NALCN: variants seen among roughly 807,000 people sequenced by gnomAD.
NALCN encodes the protein sodium leak channel, non-selective, also known as sodium leak channel NALCN.
A neutral mutation model predicts 225.3 loss-of-function variants in NALCN; 111 were observed. That is an observed-to-expected ratio of 0.49 (90% CI 0.42 to 0.58). NALCN has a LOEUF of 0.58. NALCN is among the 20% of genes least tolerant of loss of function. The pLI, the probability that NALCN is intolerant of heterozygous loss-of-function variation, is 0.00. For missense variants in NALCN, 1,378 were observed against 2,202.4 expected, an observed-to-expected ratio of 0.63 and a Z score of 7.49; for synonymous variants, 764 against 769.0, an observed-to-expected ratio of 0.99 and a Z score of 0.11.
intron 20 of NALCN, among the ~76,000 whole-genome samples, chr13:101,108,092 T>G (rs913134534): frequency 1.3e-5 from 2 of 148,564 alleles, no homozygotes; most frequent in Admixed American, 1.4e-4. Flanking sequence ...CTATATGAAA[T>G]GTATATATTT....
intron 12 of NALCN, among the ~76,000 whole-genome samples, chr13:101,233,379 G>C (rs1205285963): frequency 6.9e-6 from 1 of 145,390 alleles, no homozygotes; most frequent in Non-Finnish European, 1.5e-5. Flanking sequence ...CTCCCTCTGT[G>C]GCCCAGGCTG....
chr13:101,242,427 T>C lies in NALCN; in HGVS notation c.1267-4505A>G, dbSNP rs2041784887. Among the ~76,000 whole-genome samples, 2 of 105,712 alleles carry C rather than the reference T, an allele frequency of 1.9e-5. 1 individual carries two copies. The highest frequency in any genetic ancestry group is 6.8e-5 in the African/African-American group (2 of 29,392). The allele number at this position is 105,712 out of a possible 152,430, so 69.4% of individuals were successfully genotyped here. ...ACATCAAACCAATGCTTTTTTCTTA[T>C]TGCTTCACAACTAAATTGCTGGCTC... On this transcript the variant is annotated intron_variant, in intron 11 of 43. Coordinates refer to ENST00000251127, the MANE Select transcript of NALCN (RefSeq NM_052867.4).
chr13:101,058,353 G>T (rs544609681), intron 42 of NALCN: 3 of 244,762 alleles, frequency 1.2e-5, no homozygotes, highest in Non-Finnish European at 2.4e-5. Flanking sequence ...TCATATCTTC[G>T]CTGGCAAACC....
intron 11 of NALCN, among the ~76,000 whole-genome samples, chr13:101,244,510 T>A (rs1246043829): frequency 2.0e-5 from 3 of 152,228 alleles, no homozygotes; most frequent in African/African-American, 4.8e-5. Flanking sequence ...CTAGAATTCC[T>A]GATTCCAGAT....
chr13:101,218,691 T>A (rs1474185191), intron 13 of NALCN, among the ~76,000 whole-genome samples: 1 of 152,128 alleles, frequency 6.6e-6, no homozygotes, highest in Non-Finnish European at 1.5e-5. Flanking sequence ...ATCAGGTTGC[T>A]TAAAAGTGTG....
intron 13 of NALCN, among the ~76,000 whole-genome samples, chr13:101,198,976 T>G (rs1462194345): frequency 2.6e-5 from 4 of 152,044 alleles, no homozygotes; most frequent in Admixed American, 1.3e-4. Context: ...ATTGATGAGT[T>G]CATGTCCCTT....
intron 2 of NALCN, among the ~76,000 whole-genome samples, chr13:101,397,906 C>T (rs1032685892): frequency 2.6e-5 from 4 of 151,948 alleles, no homozygotes; most frequent in Non-Finnish European, 5.9e-5. Flanking sequence ...TCATCCAGTC[C>T]TAATGGATGA....
At chr13:101,194,766 G>A (rs1220890401) in intron 13 of NALCN, among the ~76,000 whole-genome samples, 1 of 152,206 alleles carries the variant, frequency 6.6e-6, no homozygotes, top group Non-Finnish European at 1.5e-5. Flanking sequence ...CACTTTGGGA[G>A]GCCAAGGCGG....
intron 25 of NALCN, among the ~76,000 whole-genome samples, chr13:101,103,961 A>G (rs1421665669): frequency 6.6e-6 from 1 of 152,096 alleles, no homozygotes; most frequent in African/African-American, 2.4e-5. Flanking sequence ...TATGAGGCAA[A>G]CTTTTTTTTT....
chr13:101,306,821 C>T (rs1429065426), intron 7 of NALCN, among the ~76,000 whole-genome samples: 1 of 152,164 alleles, frequency 6.6e-6, no homozygotes, highest in Admixed American at 6.5e-5. Context: ...TGGGTTGGAT[C>T]CTGCCCTCCA....
chr13:101,160,347 C>A (rs763377871), intron 15 of NALCN, among the ~76,000 whole-genome samples: 1 of 152,044 alleles, frequency 6.6e-6, no homozygotes, highest in South Asian at 2.1e-4. Context: ...CTTTTATCTG[C>A]GCTTATCATA....
intron 15 of NALCN, among the ~76,000 whole-genome samples, chr13:101,155,933 A>G (rs2037878929): frequency 6.6e-6 from 1 of 152,056 alleles, no homozygotes; most frequent in African/African-American, 2.4e-5. Context: ...TTATTCTATT[A>G]TTTCTATTTC....
At chr13:101,077,302 G>A (rs1412070635) in intron 34 of NALCN, among the ~76,000 whole-genome samples, 1 of 152,200 alleles carries the variant, frequency 6.6e-6, no homozygotes, top group Non-Finnish European at 1.5e-5. Flanking sequence ...GCTACTATAA[G>A]GATACCTGAA....
intron 34 of NALCN, among the ~76,000 whole-genome samples, chr13:101,080,347 T>TG (rs1265697272): frequency 6.6e-6 from 1 of 152,028 alleles, no homozygotes; most frequent in African/African-American, 2.4e-5. Context: ...GTAAGATACA[T>TG]ACTCAGCCAA....
chr13:101,185,331 T>C (rs2039405468), intron 14 of NALCN, among the ~76,000 whole-genome samples: 1 of 152,232 alleles, frequency 6.6e-6, no homozygotes, highest in Non-Finnish European at 1.5e-5. Context: ...AAGAGATTGC[T>C]GTGTTAATTT....
intron 15 of NALCN, among the ~76,000 whole-genome samples, chr13:101,147,493 C>G (rs2037410990): frequency 6.6e-6 from 1 of 151,886 alleles, no homozygotes; most frequent in African/African-American, 2.4e-5. Flanking sequence ...TAAGCATGCA[C>G]CACCACACCT....
chr13:101,172,638 C>T (rs2038780250), intron 15 of NALCN, among the ~76,000 whole-genome samples: 1 of 152,186 alleles, frequency 6.6e-6, no homozygotes, highest in East Asian at 1.9e-4. Flanking sequence ...TGGCTCACTG[C>T]AAGCTCCGCC....
At chr13:101,299,961 A>G (rs1329085280) in intron 7 of NALCN, among the ~76,000 whole-genome samples, 1 of 152,150 alleles carries the variant, frequency 6.6e-6, no homozygotes, top group African/African-American at 2.4e-5. Context: ...TTCTGTGGTA[A>G]GAGTAAATTG....
chr13:101,370,512 G>A (rs900358841), intron 6 of NALCN, among the ~76,000 whole-genome samples: 1 of 152,214 alleles, frequency 6.6e-6, no homozygotes, highest in Non-Finnish European at 1.5e-5. Flanking sequence ...ATGACCCCAT[G>A]TGTAAAGCCA....
Sources: allele counts gnomAD v4.1 joint callset (sites outside exome capture counted in the v4.1 genomes callset), GRCh38; gene constraint gnomAD v4.1.1; transcripts MANE v1.5; gene names NCBI Gene and HGNC (gene_info 2026-07-23, HGNC 2026-07-21).